The following DIAPH3 variants were observed in gnomAD, a reference collection of about 807,000 sequenced individuals.
DIAPH3 encodes diaphanous related formin 3.
DIAPH3 carries 117 observed loss-of-function variants against 144.3 expected under a neutral mutation model. The ratio of observed to expected loss-of-function variants is 0.81; its 90% CI spans 0.70 to 0.95. The LOEUF (loss-of-function observed/expected upper bound fraction) is 0.95. Ranked by LOEUF, DIAPH3 falls within the 40% of genes least tolerant of loss-of-function variation. The pLI is 0.00. For missense variants in DIAPH3, 1,421 were observed against 1,412.7 expected, an observed-to-expected ratio of 1.01 and a Z score of -0.09; for synonymous variants, 519 against 488.9, an observed-to-expected ratio of 1.06 and a Z score of -0.81.
At position 59,695,107 on chromosome 13, in the gene DIAPH3, A is replaced by T. The variant is rs927773628; in HGVS notation, c.3320-28261T>A. 2.6e-5 allele frequency: 4 copies of T among 152,228 alleles called. No individual in the cohort carries two copies. The South Asian group carries it at 8.3e-4, about 31-fold the overall frequency. The allele number at this position is 152,228 out of a possible 1,614,324, so 9.4% of individuals were successfully genotyped here. A position where few individuals can be genotyped will look rare whatever the true frequency, so the allele number is the denominator to read the frequency against. Reference sequence around the variant, plus strand: ...ATAGCTTCTAGTGCATATATTTTGTAGGTTACTAGTTAGGCTTCATTTGTA... The same window carrying T: ...ATAGCTTCTAGTGCATATATTTTGTTGGTTACTAGTTAGGCTTCATTTGTA... On this transcript the variant is annotated intron_variant, in intron 27 of 27. Transcript: ENST00000400324.
intron 25 of DIAPH3, among the ~76,000 whole-genome samples, chr13:59,792,168 T>C (rs1032432888): frequency 3.3e-5 from 5 of 152,192 alleles, no homozygotes; most frequent in South Asian, 2.1e-4. Context: ...AGATGTTGCT[T>C]GTTCCCCTCC....
intron 27 of DIAPH3, chr13:59,695,297 GCTTTTGT>G (rs961767948): frequency 2.6e-5 from 4 of 152,206 alleles, no homozygotes; most frequent in Admixed American, 2.6e-4. Flanking sequence ...GCACCCTGGT[GCTTTTGT>G]CTTCCCCAAT....
intron 27 of DIAPH3, among the ~76,000 whole-genome samples, chr13:59,750,124 G>C (rs1385211496): frequency 1.3e-5 from 2 of 152,122 alleles, no homozygotes; most frequent in African/African-American, 2.4e-5. Context: ...GTGAGAAATA[G>C]CTTGATATAA....
In DIAPH3 at chr13:59,882,672, G is replaced by T. The variant is rs538631100; in HGVS notation, c.2368-3204C>A. Among the ~76,000 whole-genome samples the T allele has an allele frequency of 5.9e-5, 9 of 152,108 alleles. No homozygotes were observed. In the South Asian group the frequency reaches 1.9e-3, roughly 32 times the overall value. ...AAGTCATTTTTAAAAATGAGAAAAA[G>T]GAAAGGGTAAATGAACAATAAACAT... On this transcript the variant is annotated intron_variant, in intron 20 of 27. Coordinates refer to ENST00000400324, the MANE Select transcript of DIAPH3 (RefSeq NM_001042517.2).
At chr13:59,981,202 G>GC (rs1311726022) in intron 13 of DIAPH3, among the ~76,000 whole-genome samples, 2 of 150,848 alleles carry the variant, frequency 1.3e-5, no homozygotes, top group African/African-American at 4.9e-5. Flanking sequence ...AAAAAAAACA[G>GC]CCAACAGTAA....
intron 25 of DIAPH3, among the ~76,000 whole-genome samples, chr13:59,796,398 T>C (rs747974295): frequency 2.0e-5 from 3 of 152,250 alleles, no homozygotes; most frequent in Non-Finnish European, 4.4e-5. Context: ...ATGAGCTCTG[T>C]TCTTAATAGA....
chr13:60,047,270 GA>G (rs1191335146), intron 4 of DIAPH3, among the ~76,000 whole-genome samples: 5 of 147,720 alleles, frequency 3.4e-5, no homozygotes, highest in East Asian at 2.0e-4. Context: ...TACATTTTCT[GA>G]AAAAAAAAAT....
intron 4 of DIAPH3, among the ~76,000 whole-genome samples, chr13:60,062,142 C>A (rs1052362495): frequency 4.6e-5 from 7 of 152,120 alleles, no homozygotes; most frequent in Admixed American, 3.9e-4. Flanking sequence ...TTAAAGACTC[C>A]TTGAGAGAAA....
At chr13:59,818,964 T>A (rs2040923452) in intron 24 of DIAPH3, among the ~76,000 whole-genome samples, 1 of 151,890 alleles carries the variant, frequency 6.6e-6, no homozygotes, top group South Asian at 2.1e-4. Context: ...TCCTTAAATA[T>A]TTCATATATT....
At chr13:59,744,026 T>C (rs1424083912) in intron 27 of DIAPH3, among the ~76,000 whole-genome samples, 1 of 152,172 alleles carries the variant, frequency 6.6e-6, no homozygotes, top group Non-Finnish European at 1.5e-5. Context: ...CTTTTTATTT[T>C]GGGGGTTAAG....
intron 17 of DIAPH3, among the ~76,000 whole-genome samples, chr13:59,933,431 CA>C (rs2048116898): frequency 6.6e-6 from 1 of 152,190 alleles, no homozygotes. Context: ...ATTTAGCATT[CA>C]AGAGTAAAGC....
intron 17 of DIAPH3, among the ~76,000 whole-genome samples, chr13:59,960,351 CA>C (rs1442383380): frequency 6.6e-6 from 1 of 152,140 alleles, no homozygotes. Context: ...GGTATAATGG[CA>C]TATAGTTCAC....
intron 17 of DIAPH3, among the ~76,000 whole-genome samples, chr13:59,968,480 T>C (rs1475214552): frequency 2.0e-5 from 3 of 152,142 alleles, no homozygotes; most frequent in African/African-American, 7.2e-5. Context: ...TTGAAGAAAA[T>C]TTTGATCCTC....
At chr13:59,842,164 C>T (rs1336679757) in intron 22 of DIAPH3, among the ~76,000 whole-genome samples, 1 of 151,964 alleles carries the variant, frequency 6.6e-6, no homozygotes, top group East Asian at 1.9e-4. Flanking sequence ...CCTAAGCATT[C>T]TGGATGGACG....
rs149531768 is a variant in DIAPH3, at chr13:60,064,066, G to A, written c.496-21246C>T. Among the ~76,000 whole-genome samples the A allele has an allele frequency of 9.2e-5, 14 of 152,282 alleles. No homozygotes were observed. In the East Asian group the frequency reaches 2.7e-3, roughly 29 times the overall value. On this transcript the variant is annotated intron_variant, in intron 4 of 27. Coordinates refer to ENST00000400324, the MANE Select transcript of DIAPH3 (RefSeq NM_001042517.2). ...AGGTCTCAACAAGCGGGCTTAAAAT[G>A]TTCAGTAAACCATGCTATAAACAGA...
chr13:59,979,945 T>A (rs1329094270), intron 14 of DIAPH3, among the ~76,000 whole-genome samples: 1 of 151,676 alleles, frequency 6.6e-6, no homozygotes, highest in African/African-American at 2.4e-5. Context: ...ATTAAAAGTC[T>A]AATAGGTACT....
At chr13:59,776,734 T>C (rs2038435361) in intron 25 of DIAPH3, among the ~76,000 whole-genome samples, 1 of 152,096 alleles carries the variant, frequency 6.6e-6, no homozygotes, top group Non-Finnish European at 1.5e-5. Flanking sequence ...AGTAAATTTA[T>C]TGTTGGTAGT....
intron 17 of DIAPH3, among the ~76,000 whole-genome samples, chr13:59,954,301 T>C (rs4566045): frequency 0.07 from 10,669 of 152,278 alleles, 415 homozygotes; most frequent in Admixed American, 0.11. Context: ...GCACCATCCC[T>C]GGGGTTATTA....
At chr13:59,891,321 A>ATGTTT (rs1330446248) in intron 20 of DIAPH3, among the ~76,000 whole-genome samples, 1 of 152,010 alleles carries the variant, frequency 6.6e-6, no homozygotes, top group Non-Finnish European at 1.5e-5. Context: ...GACTATAATG[A>ATGTTT]TGTTTTGTTT....
Sources: allele counts gnomAD v4.1 joint callset (sites outside exome capture counted in the v4.1 genomes callset), GRCh38; gene constraint gnomAD v4.1.1; transcripts MANE v1.5; gene names NCBI Gene and HGNC (gene_info 2026-07-23, HGNC 2026-07-21).